COX7B2: variants seen among roughly 807,000 people sequenced by gnomAD.
COX7B2 encodes cytochrome c oxidase subunit 7B2, mitochondrial.
For missense variants in COX7B2, 109 were observed against 95.9 expected (o/e 1.14, Z -0.57); for synonymous variants, 37 against 32.1 (o/e 1.15, Z -0.51).
chr4:46,831,065 G>T (rs1366603780), intron 2 of COX7B2, among the ~76,000 whole-genome samples: 1 of 152,148 alleles, frequency 6.6e-6, no homozygotes, highest in Non-Finnish European at 1.5e-5. Flanking sequence ...GGGAACCCGG[G>T]CTGCACAAGG....
At chr4:46,844,669 C>T (rs747749767) in intron 2 of COX7B2, among the ~76,000 whole-genome samples, 16 of 151,904 alleles carry the variant, frequency 1.1e-4, no homozygotes, top group Non-Finnish European at 1.6e-4. Flanking sequence ...CTTTTGTATC[C>T]AACTGTTCGT....
chr4:46,904,505 GATA>G (rs529554776), intron 1 of COX7B2, among the ~76,000 whole-genome samples: 285 of 152,172 alleles, frequency 1.9e-3, no homozygotes, highest in Non-Finnish European at 3.4e-3. Context: ...ACAACACTGA[GATA>G]ATATTTTTCA....
At chr4:46,765,055 C>T (rs545448419) in intron 2 of COX7B2, among the ~76,000 whole-genome samples, 13 of 151,518 alleles carry the variant, frequency 8.6e-5, no homozygotes, top group South Asian at 6.2e-4. Context: ...TAAAGAAATG[C>T]CAAGCAGAAG....
At chr4:46,778,180 T>C (rs553060247) in intron 2 of COX7B2, among the ~76,000 whole-genome samples, 1 of 152,244 alleles carries the variant, frequency 6.6e-6, no homozygotes, top group African/African-American at 2.4e-5. Flanking sequence ...AATCAAATTC[T>C]GTGATAAGAA....
At chr4:46,770,661 G>GA (rs113406297) in intron 2 of COX7B2, among the ~76,000 whole-genome samples, 24,374 of 149,692 alleles carry the variant, frequency 0.16, 2,356 homozygotes, top group Admixed American at 0.32. Flanking sequence ...AGAGAGACCA[G>GA]AAAAAAAAAC....
chr4:46,774,264 A>G (rs561829016), intron 2 of COX7B2, among the ~76,000 whole-genome samples: 1 of 152,140 alleles, frequency 6.6e-6, no homozygotes, highest in Non-Finnish European at 1.5e-5. Context: ...TTAGCAACAC[A>G]TTTATAACCC....
chr4:46,860,102 G>C (rs538521872), intron 1 of COX7B2, among the ~76,000 whole-genome samples: 1 of 152,146 alleles, frequency 6.6e-6, no homozygotes, highest in Admixed American at 6.6e-5. Flanking sequence ...CATGTGGCTC[G>C]AGAAGATGGC....
At chr4:46,813,534 A>G (rs1299279802) in intron 2 of COX7B2, among the ~76,000 whole-genome samples, 4 of 152,180 alleles carry the variant, frequency 2.6e-5, no homozygotes, top group African/African-American at 7.2e-5. Context: ...GGAGGGGAAC[A>G]TCGCACACTG....
intron 1 of COX7B2, among the ~76,000 whole-genome samples, chr4:46,897,845 A>C (rs1250543475): frequency 6.6e-6 from 1 of 152,206 alleles, no homozygotes; most frequent in Non-Finnish European, 1.5e-5. Flanking sequence ...GTTAATGAGA[A>C]TTTATCAGAC....
chr4:46,821,090 G>A (rs888779936), intron 2 of COX7B2, among the ~76,000 whole-genome samples: 2 of 151,966 alleles, frequency 1.3e-5, no homozygotes, highest in African/African-American at 4.8e-5. Flanking sequence ...TCTGCGTTTC[G>A]TATCTGGTTG....
chr4:46,804,847 G>A (rs1718906626), intron 2 of COX7B2, among the ~76,000 whole-genome samples: 2 of 152,248 alleles, frequency 1.3e-5, no homozygotes, highest in Non-Finnish European at 2.9e-5. Context: ...CAGCCTTTGG[G>A]TGGTTGATGG....
rs565552721 is a variant in COX7B2 at position 46,905,984 on chromosome 4, C to T, written c.-105+3176G>A. On this transcript the variant is annotated intron_variant, in intron 1 of 2. Transcript: ENST00000355591. ...AGCTGGGACTACAGGCGCCCGCCACCGCGCCCGGCTAATTTTTTGTATTTT... is the reference window on the plus strand; with the variant it reads ...AGCTGGGACTACAGGCGCCCGCCACTGCGCCCGGCTAATTTTTTGTATTTT... Among the ~76,000 whole-genome samples the T allele has an allele frequency of 1.2e-3, 181 of 150,750 alleles. No individual in the cohort carries two copies. The Middle Eastern group carries it at 0.014, about 11-fold the overall frequency.
chr4:46,825,059 T>C (rs1229917886), intron 2 of COX7B2, among the ~76,000 whole-genome samples: 1 of 150,736 alleles, frequency 6.6e-6, no homozygotes, highest in Admixed American at 6.6e-5. Flanking sequence ...AGAAAAAAAA[T>C]AAAACGAATC....
chr4:46,805,358 T>C (rs565167151), intron 2 of COX7B2, among the ~76,000 whole-genome samples: 6 of 152,356 alleles, frequency 3.9e-5, no homozygotes, highest in African/African-American at 1.4e-4. Context: ...CCTCTCAATA[T>C]CACATTATGT....
chr4:46,775,873 C>T (rs1028618020), intron 2 of COX7B2, among the ~76,000 whole-genome samples: 1 of 152,058 alleles, frequency 6.6e-6, no homozygotes, highest in African/African-American at 2.4e-5. Flanking sequence ...TTCAAAGAGG[C>T]CTGATGTCAG....
In COX7B2 at chr4:46,841,922, G is replaced by A. The variant is rs1201294466; in HGVS notation, c.-50+3038C>T. Among the ~76,000 whole-genome samples, 3 of 151,952 alleles carry A rather than the reference G, an allele frequency of 2.0e-5. No individual in the cohort carries two copies. In the East Asian group the frequency reaches 5.8e-4, roughly 29 times the overall value. The stretch of plus-strand genomic sequence containing the variant: ...TACAAGCTTCACAAAGCCAATGCAA[G>A]TAATTAGACACTTAAATTGAATGGC... On this transcript the variant is annotated intron_variant, in intron 2 of 2. Coordinates refer to ENST00000355591, the MANE Select transcript of COX7B2 (RefSeq NM_130902.3).
intron 2 of COX7B2, among the ~76,000 whole-genome samples, chr4:46,760,981 A>G (rs1388400269): frequency 6.6e-6 from 1 of 152,180 alleles, no homozygotes; most frequent in African/African-American, 2.4e-5. Context: ...ATGCCTTCCT[A>G]CTGGACTTCC....
At chr4:46,830,490 T>C (rs1015385247) in intron 2 of COX7B2, among the ~76,000 whole-genome samples, 7 of 152,078 alleles carry the variant, frequency 4.6e-5, no homozygotes, top group Non-Finnish European at 1.0e-4. Context: ...CATATAATAA[T>C]ATAATGGTAT....
intron 1 of COX7B2, among the ~76,000 whole-genome samples, chr4:46,885,631 C>T (rs1416875616): frequency 6.6e-6 from 1 of 152,118 alleles, no homozygotes; most frequent in Non-Finnish European, 1.5e-5. Context: ...GAACAAGATA[C>T]AACCTTTCTC....
Sources: gnomAD v4.1 joint callset for allele counts (sites outside exome capture counted in the v4.1 genomes callset) on GRCh38, gnomAD v4.1.1 for gene constraint, MANE v1.5 for transcripts, NCBI Gene and HGNC (gene_info 2026-07-23, HGNC 2026-07-21) for gene names.